VCAN: variants seen among roughly 807,000 people sequenced by gnomAD.
VCAN encodes the protein versican core protein.
VCAN carries 44 observed loss-of-function variants against 245.5 expected under a neutral mutation model. The ratio of observed to expected loss-of-function variants is 0.18; its 90% confidence interval spans 0.14 to 0.23. The LOEUF is 0.23. VCAN is among the 10% of genes least tolerant of loss of function. The pLI is 1.00. For missense variants in VCAN, 3,793 were observed against 4,057.9 expected (o/e 0.93, Z 1.77); for synonymous variants, 1,413 against 1,437.0 (o/e 0.98, Z 0.38).
chr5:83,570,719 T>C (rs945095192), intron 12 of VCAN, among the ~76,000 whole-genome samples: 1 of 152,082 alleles, frequency 6.6e-6, no homozygotes, highest in Non-Finnish European at 1.5e-5. Context: ...CTAAGTATAG[T>C]ACTTTGGTAA....
At chr5:83,536,952 G>T in intron 7 of VCAN, 55 bp from the exon 8 acceptor site, 1 of 1,497,156 alleles carries the variant, frequency 6.7e-7, no homozygotes, top group Non-Finnish European at 9.0e-7. Context: ...AATTTCTTCT[G>T]TCATACACTG....
In VCAN at chr5:83,520,075, T is replaced by A. The variant is rs1395985141; in HGVS notation, c.1769T>A (p.Ile590Asn). ...GTGTCAAAGACTTCAGAAGACACCA[T>A]CCACACTCATTTAGAAGACTTGGAG... ...ITVSKTSEDT[I>N]HTHLEDLESV... Residue 590 changes from isoleucine (I) to asparagine (N), a missense_variant, in exon 7 of 15, where the codon ATC becomes AAC. Around this residue, in one of 5 missense-constraint regions of VCAN, gnomAD observed 3,182 missense variants for 3,250.3 expected, o/e 0.98. Coordinates refer to ENST00000265077, the MANE Select transcript of VCAN (RefSeq NM_004385.5). 6.2e-7 allele frequency: 1 copy of A among 1,614,010 alleles called. No individual in the cohort carries two copies. Among genetic ancestry groups the A allele is most frequent in the East Asian group, 2.2e-5 (1 of 44,850 alleles).
intron 5 of VCAN, among the ~76,000 whole-genome samples, chr5:83,506,403 T>C (rs983811573): frequency 2.6e-5 from 4 of 152,160 alleles, no homozygotes; most frequent in African/African-American, 9.7e-5. Context: ...CACAAATCTC[T>C]AGGGCAGGGG....
At chr5:83,492,792 G>A (rs1745024019) in intron 3 of VCAN, among the ~76,000 whole-genome samples, 1 of 152,188 alleles carries the variant, frequency 6.6e-6, no homozygotes, top group Admixed American at 6.5e-5. Flanking sequence ...CGTTATGCTG[G>A]TCAGGTAAAG....
intron 12 of VCAN, among the ~76,000 whole-genome samples, chr5:83,567,944 A>G (rs1034978764): frequency 2.0e-5 from 3 of 152,150 alleles, no homozygotes; most frequent in African/African-American, 7.2e-5. Context: ...AAATAAAGAA[A>G]TCCAAATGGG....
intron 3 of VCAN, among the ~76,000 whole-genome samples, chr5:83,490,739 A>C (rs1432526837): frequency 6.6e-6 from 1 of 152,234 alleles, no homozygotes; most frequent in East Asian, 1.9e-4. Context: ...CATGACACAT[A>C]ATTTAATAAT....
chr5:83,512,535 A>C, intron 6 of VCAN, 139 bp downstream of exon 6: 1 of 1,146,686 alleles, frequency 8.7e-7, no homozygotes, highest in South Asian at 1.6e-5. Flanking sequence ...AGTGATTTTC[A>C]AAAGCAAGCA....
chr5:83,525,964 GA>G, intron 7 of VCAN, among the ~76,000 whole-genome samples: 1 of 151,742 alleles, frequency 6.6e-6, no homozygotes, highest in South Asian at 2.1e-4. Context: ...TTTTGCGACG[GA>G]GTCTTGCTCT....
chr5:83,494,064 T>C (rs1427470417), intron 5 of VCAN, 133 bp downstream of exon 5: 2 of 1,460,476 alleles, frequency 1.4e-6, no homozygotes, highest in Non-Finnish European at 1.9e-6. Context: ...TACGACTGTA[T>C]GATTTTGTGG....
chr5:83,479,161 G>C (rs1171631936), intron 1 of VCAN, among the ~76,000 whole-genome samples: 1 of 152,168 alleles, frequency 6.6e-6, no homozygotes, highest in Non-Finnish European at 1.5e-5. Flanking sequence ...AATATGATAT[G>C]TGATGCTCAT....
intron 5 of VCAN, among the ~76,000 whole-genome samples, chr5:83,509,036 GA>G (rs1004007975): frequency 1.5e-5 from 2 of 132,004 alleles, no homozygotes; most frequent in Admixed American, 7.6e-5. Context: ...TTTTTGAAAA[GA>G]AAGAAAGAAA....
intron 5 of VCAN, among the ~76,000 whole-genome samples, chr5:83,509,392 T>C (rs1252960964): frequency 6.6e-6 from 1 of 152,216 alleles, no homozygotes; most frequent in Non-Finnish European, 1.5e-5. Flanking sequence ...ACATGTTTGC[T>C]GTTTAAAATA....
At chr5:83,549,155 G>A (rs1747357023) in intron 10 of VCAN, among the ~76,000 whole-genome samples, 1 of 152,166 alleles carries the variant, frequency 6.6e-6, no homozygotes, top group African/African-American at 2.4e-5. Context: ...ATTCCAATAT[G>A]TTAAACATGA....
intron 7 of VCAN, among the ~76,000 whole-genome samples, chr5:83,523,965 T>TA (rs1275726565): frequency 1.3e-5 from 2 of 152,102 alleles, no homozygotes; most frequent in Non-Finnish European, 1.5e-5. Context: ...TTTCATAATT[T>TA]AAAAAAATGC....
intron 12 of VCAN, chr5:83,562,407 T>C (rs1393288962): frequency 2.6e-5 from 4 of 152,142 alleles, no homozygotes; most frequent in Non-Finnish European, 2.9e-5. Flanking sequence ...AGAACGCAAC[T>C]CTGCTCTCTG....
In VCAN at chr5:83,545,521, T is replaced by C; in HGVS notation, c.9266-16T>C. The C allele has an allele frequency of 6.2e-7, 1 of 1,610,350 alleles. No homozygotes were observed. On this transcript the variant is annotated splice_polypyrimidine_tract_variant and intron_variant, in intron 8 of 14. Coordinates refer to ENST00000265077, the MANE Select transcript of VCAN (RefSeq NM_004385.5). ...GACGAGCCTAACTGCTTTTCTTACT[T>C]TCCTGAATATGGTAGGACCTGATCG...
At chr5:83,487,000 T>C (rs2112348492) in intron 2 of VCAN, among the ~76,000 whole-genome samples, 1 of 152,344 alleles carries the variant, frequency 6.6e-6, no homozygotes, top group East Asian at 1.9e-4. Context: ...ATGAACACCT[T>C]GTCTATTGTT....
At chr5:83,557,745 TC>T (rs1248755647) in intron 12 of VCAN, among the ~76,000 whole-genome samples, 3 of 152,134 alleles carry the variant, frequency 2.0e-5, no homozygotes, top group African/African-American at 7.2e-5. Context: ...CTCTGAAACT[TC>T]CAGAGGAAGA....
chr5:83,553,858 C>T (rs1445686785), intron 11 of VCAN, among the ~76,000 whole-genome samples: 1 of 152,184 alleles, frequency 6.6e-6, no homozygotes, highest in Admixed American at 6.5e-5. Flanking sequence ...TATGGTTATA[C>T]TTTCATAGTC....
Sources: allele counts gnomAD v4.1 joint callset (sites outside exome capture counted in the v4.1 genomes callset), GRCh38; gene constraint gnomAD v4.1.1; regional missense constraint gnomAD v4.1.1; transcripts MANE v1.5; gene names NCBI Gene and HGNC (gene_info 2026-07-23, HGNC 2026-07-21).